The following PCDH9 variants were observed in gnomAD, a reference collection of about 807,000 sequenced individuals.
The protein encoded by PCDH9 is protocadherin-9.
A neutral mutation model predicts 70.6 loss-of-function variants in PCDH9; 24 were observed. The observed-to-expected ratio is 0.34, with a 90% CI of 0.25 to 0.48. PCDH9 has a LOEUF of 0.48. Among genes scored for constraint, PCDH9 ranks in the 20% least tolerant of loss-of-function variants. The pLI is 0.99. For missense variants in PCDH9, 1,281 were observed against 1,503.6 expected, an observed-to-expected ratio of 0.85 and a Z score of 2.45; for synonymous variants, 562 against 558.5, an observed-to-expected ratio of 1.01 and a Z score of -0.09.
intron 2 of PCDH9, among the ~76,000 whole-genome samples, chr13:66,936,604 T>C (rs1164717672): frequency 8.5e-5 from 13 of 152,150 alleles, no homozygotes; most frequent in Admixed American, 7.9e-4. Context: ...TCTCTTTACA[T>C]AGGCATAGGA....
intron 2 of PCDH9, among the ~76,000 whole-genome samples, chr13:67,067,393 C>T (rs1419034654): frequency 6.6e-6 from 1 of 151,992 alleles, no homozygotes; most frequent in Non-Finnish European, 1.5e-5. Context: ...ATCTATATAA[C>T]ATATTATGAA....
intron 3 of PCDH9, among the ~76,000 whole-genome samples, chr13:66,815,889 C>T (rs1433287970): frequency 2.6e-5 from 4 of 152,066 alleles, no homozygotes; most frequent in Non-Finnish European, 5.9e-5. Context: ...TATAACAAAC[C>T]TGTACATGCA....
chr13:67,216,312 G>C (rs994867083), intron 2 of PCDH9: 2 of 151,976 alleles, frequency 1.3e-5, no homozygotes, highest in Non-Finnish European at 2.9e-5. Flanking sequence ...GACCAAGAAT[G>C]AAAATGAGTT....
chr13:66,740,050 C>G (rs1301244653), intron 3 of PCDH9, among the ~76,000 whole-genome samples: 1 of 150,338 alleles, frequency 6.7e-6, no homozygotes, highest in Non-Finnish European at 1.5e-5. Flanking sequence ...TTTTTCAGCA[C>G]CACACCACAC....
intron 2 of PCDH9, among the ~76,000 whole-genome samples, chr13:66,998,086 T>C (rs1191504552): frequency 6.6e-6 from 1 of 152,128 alleles, no homozygotes; most frequent in East Asian, 1.9e-4. Context: ...GAGAAAATTT[T>C]ATATGAAGAA....
At chr13:66,735,917 T>C (rs2139185955) in intron 3 of PCDH9, among the ~76,000 whole-genome samples, 1 of 152,078 alleles carries the variant, frequency 6.6e-6, no homozygotes, top group Middle Eastern at 3.4e-3. Flanking sequence ...TGAGCTGAGA[T>C]TGTGCCACTG....
intron 3 of PCDH9, among the ~76,000 whole-genome samples, chr13:66,812,419 T>C (rs563300262): frequency 2.0e-5 from 3 of 152,252 alleles, no homozygotes; most frequent in African/African-American, 7.2e-5. Flanking sequence ...GATTTTAATA[T>C]TTAAATAACA....
At chr13:66,970,154 T>C (rs1384443214) in intron 2 of PCDH9, among the ~76,000 whole-genome samples, 1 of 152,048 alleles carries the variant, frequency 6.6e-6, no homozygotes, top group Admixed American at 6.6e-5. Context: ...TTCTTTAAAC[T>C]GATTAGAATT....
At chr13:67,162,059 T>A (rs918566853) in intron 2 of PCDH9, among the ~76,000 whole-genome samples, 6 of 152,208 alleles carry the variant, frequency 3.9e-5, no homozygotes, top group Non-Finnish European at 7.3e-5. Flanking sequence ...AGTTTTTTGC[T>A]CTATCTTCTG....
intron 4 of PCDH9, among the ~76,000 whole-genome samples, chr13:66,350,605 C>CA (rs1266972510): frequency 5.9e-5 from 9 of 152,006 alleles, no homozygotes; most frequent in Non-Finnish European, 1.3e-4. Context: ...TGTTTCAGGA[C>CA]AAAAAAACAT....
At chr13:66,894,742 C>T (rs970733454) in intron 3 of PCDH9, among the ~76,000 whole-genome samples, 1 of 152,000 alleles carries the variant, frequency 6.6e-6, no homozygotes, top group Non-Finnish European at 1.5e-5. Flanking sequence ...TTTAAAATAT[C>T]ACTCACTGTT....
intron 3 of PCDH9, among the ~76,000 whole-genome samples, chr13:66,700,928 A>G (rs71449278): frequency 0.17 from 8,395 of 50,112 alleles, 997 homozygotes; most frequent in South Asian, 0.27. Flanking sequence ...ATATAAATAT[A>G]TATATATATA....
chr13:66,917,551 A>C lies in PCDH9; in HGVS notation c.3037-13946T>G, dbSNP rs184851406. On this transcript the variant is annotated intron_variant, in intron 2 of 4. Transcript: ENST00000377865. ...GGTCGAATAAATGTGTTGACATGCT[A>C]TTTGTTTTTATGATAGTTATTCAGT... 2.6e-5 allele frequency among the ~76,000 whole-genome samples: 4 copies of C among 151,482 alleles called. No homozygotes were observed. In the East Asian group the frequency reaches 7.8e-4, roughly 29 times the overall value.
Position 66,692,468 on chromosome 13 carries a change from G to C in PCDH9, c.3139-61057C>G, listed in dbSNP as rs1333966144. Among the ~76,000 whole-genome samples, 5 of 152,004 alleles carry C rather than the reference G, an allele frequency of 3.3e-5. No homozygotes were observed. In the East Asian group the frequency reaches 5.8e-4, roughly 18 times the overall value. On this transcript the variant is annotated intron_variant, in intron 3 of 4. Coordinates refer to ENST00000377865, the MANE Select transcript of PCDH9 (RefSeq NM_203487.3). ...TACAGCTATCGATTAAAGTTCACAT[G>C]GTAGGAATGAATAAAAGAAAATAAT...
At chr13:67,094,144 G>A (rs1039500080) in intron 2 of PCDH9, among the ~76,000 whole-genome samples, 3 of 152,128 alleles carry the variant, frequency 2.0e-5, no homozygotes, top group Non-Finnish European at 4.4e-5. Context: ...AGAGCTTCTG[G>A]ATATTTAGGG....
intron 4 of PCDH9, among the ~76,000 whole-genome samples, chr13:66,322,462 A>G (rs1307103854): frequency 6.6e-6 from 1 of 152,034 alleles, no homozygotes. Flanking sequence ...GGGACTGGAA[A>G]GCAGGCTGGA....
At chr13:66,935,640 A>G (rs1409028482) in intron 2 of PCDH9, among the ~76,000 whole-genome samples, 1 of 152,192 alleles carries the variant, frequency 6.6e-6, no homozygotes, top group Non-Finnish European at 1.5e-5. Context: ...TTTTTATTAC[A>G]AAATAGACCT....
At chr13:66,892,894 G>A (rs1053281326) in intron 3 of PCDH9, among the ~76,000 whole-genome samples, 1 of 151,978 alleles carries the variant, frequency 6.6e-6, no homozygotes, top group African/African-American at 2.4e-5. Flanking sequence ...ATATATTTAT[G>A]TCTTTTTAAA....
chr13:67,042,835 A>G (rs905060365), intron 2 of PCDH9, among the ~76,000 whole-genome samples: 1 of 152,176 alleles, frequency 6.6e-6, no homozygotes, highest in Non-Finnish European at 1.5e-5. Context: ...GAATGACACT[A>G]TGAGAACCCT....
Sources: allele counts gnomAD v4.1 joint callset (sites outside exome capture counted in the v4.1 genomes callset), GRCh38; gene constraint gnomAD v4.1.1; transcripts MANE v1.5; gene names NCBI Gene and HGNC (gene_info 2026-07-23, HGNC 2026-07-21).